The following STAU1 variants were observed in gnomAD, a reference collection of about 807,000 sequenced individuals.
STAU1 encodes the protein double-stranded RNA-binding protein Staufen homolog 1.
Under a neutral mutation model 62.9 loss-of-function variants are expected in STAU1, and 13 were observed. The observed-to-expected ratio is 0.21, with a 90% CI of 0.13 to 0.33. The LOEUF (loss-of-function observed/expected upper bound fraction) is 0.33, where lower values mean the gene tolerates loss of function less well. STAU1 is among the 10% of genes least tolerant of loss of function. The pLI is 1.00. For missense variants in STAU1, 571 were observed against 712.1 expected (o/e 0.80, Z 2.25); for synonymous variants, 269 against 265.1 (o/e 1.01, Z -0.14).
intron 6 of STAU1, among the ~76,000 whole-genome samples, chr20:49,129,630 CTTTTTTTTTTTT>C (rs558925613): frequency 1.0e-4 from 10 of 96,672 alleles, no homozygotes; most frequent in Admixed American, 3.6e-4. Context: ...AGTTTGGCAA[CTTTTTTTTTTTT>C]TTTTTTTTTT....
the STAU1 span, among the ~76,000 whole-genome samples, chr20:49,199,236 A>T: frequency 2.0e-5 from 3 of 151,048 alleles, no homozygotes; most frequent in East Asian, 4.0e-4. Context: ...CGCCTGGCTG[A>T]TTTTTTTTAT....
intron 3 of STAU1, among the ~76,000 whole-genome samples, chr20:49,160,678 T>C (rs990701025): frequency 1.2e-4 from 18 of 152,234 alleles, no homozygotes; most frequent in African/African-American, 4.1e-4. Flanking sequence ...CAGACTTTCA[T>C]TCTCTAAGAT....
chr20:49,115,890 T>A, intron 12 of STAU1, 23 bp from the exon 13 acceptor site: 1 of 1,609,368 alleles, frequency 6.2e-7, no homozygotes, highest in Admixed American at 1.7e-5. Context: ...GAAAGAAGGG[T>A]AAAGCCACAG....
At chr20:49,158,414 C>T in intron 3 of STAU1, 1 of 1,303,676 alleles carries the variant, frequency 7.7e-7, no homozygotes, top group Non-Finnish European at 1.0e-6. Context: ...AAATTTGGTG[C>T]CTTAAGGGGT....
chr20:49,203,783 T>G, the STAU1 span, among the ~76,000 whole-genome samples: 2 of 152,210 alleles, frequency 1.3e-5, no homozygotes, highest in Non-Finnish European at 2.9e-5. Context: ...ACCTCCCTGG[T>G]TCAAGCAAAT....
intron 3 of STAU1, among the ~76,000 whole-genome samples, chr20:49,157,999 C>T (rs1432331181): frequency 1.3e-5 from 2 of 151,676 alleles, no homozygotes; most frequent in African/African-American, 4.8e-5. Flanking sequence ...TCAATTGAAG[C>T]GGCCGGGTGT....
At chr20:49,146,653 G>A (rs1311597765) in intron 5 of STAU1, among the ~76,000 whole-genome samples, 1 of 151,270 alleles carries the variant, frequency 6.6e-6, no homozygotes, top group Non-Finnish European at 1.5e-5. Flanking sequence ...CAGTGAGCCT[G>A]CATGGAGGGC....
At chr20:49,157,541 A>G (rs2093380488) in intron 3 of STAU1, among the ~76,000 whole-genome samples, 1 of 151,030 alleles carries the variant, frequency 6.6e-6, no homozygotes, top group Non-Finnish European at 1.5e-5. Flanking sequence ...GTGTAGTGGC[A>G]TGATCTCAGC....
At chr20:49,125,201 A>AAAAAAAAAC in intron 6 of STAU1, among the ~76,000 whole-genome samples, 3 of 71,732 alleles carry the variant, frequency 4.2e-5, no homozygotes, top group African/African-American at 2.4e-4. Context: ...ATTTTTGCAA[A>AAAAAAAAAC]AAAAAAAAAA....
chr20:49,180,855 CAA>C (rs1847143424), intron 1 of STAU1, among the ~76,000 whole-genome samples: 1 of 152,152 alleles, frequency 6.6e-6, no homozygotes, highest in South Asian at 2.1e-4. Flanking sequence ...TTCTAATGAG[CAA>C]AATTCATCCT....
chr20:49,207,771 C>T, the STAU1 span, among the ~76,000 whole-genome samples: 3 of 152,078 alleles, frequency 2.0e-5, no homozygotes, highest in Admixed American at 6.6e-5. Flanking sequence ...CCACCCATCT[C>T]GGCCTCCCAA....
chr20:49,139,642 C>T (rs1193348743), intron 5 of STAU1, among the ~76,000 whole-genome samples: 1 of 151,804 alleles, frequency 6.6e-6, no homozygotes, highest in East Asian at 1.9e-4. Context: ...AGGAGAATCA[C>T]TTGAACCCAG....
chr20:49,185,860 T>C (rs1164092940), intron 1 of STAU1, among the ~76,000 whole-genome samples: 1 of 152,090 alleles, frequency 6.6e-6, no homozygotes, highest in Non-Finnish European at 1.5e-5. Context: ...TGTATAGTTG[T>C]TTGCTTATGT....
At chr20:49,201,100 A>G in the STAU1 span, among the ~76,000 whole-genome samples, 1 of 150,816 alleles carries the variant, frequency 6.6e-6, no homozygotes, top group African/African-American at 2.4e-5. Flanking sequence ...AGAAAAGAAA[A>G]GAAAACAGAT....
At chr20:49,132,322 T>C (rs1050376702) in intron 6 of STAU1, among the ~76,000 whole-genome samples, 1 of 152,192 alleles carries the variant, frequency 6.6e-6, no homozygotes, top group African/African-American at 2.4e-5. Flanking sequence ...ACGGCTTGCA[T>C]TGTCTGCCCA....
intron 6 of STAU1, among the ~76,000 whole-genome samples, chr20:49,133,397 G>A (rs902364388): frequency 3.3e-5 from 5 of 152,090 alleles, no homozygotes; most frequent in Non-Finnish European, 5.9e-5. Flanking sequence ...CACTCCCCAC[G>A]GTCTTGGTAC....
intron 1 of STAU1, chr20:49,179,079 TAAA>T (rs3091668): frequency 8.8e-5 from 10 of 114,152 alleles, no homozygotes; most frequent in South Asian, 2.8e-4. Context: ...AGACTCCATC[TAAA>T]AAAAAAAAAA....
chr20:49,182,487 G>A (rs2146595749), intron 1 of STAU1, among the ~76,000 whole-genome samples: 1 of 152,302 alleles, frequency 6.6e-6, no homozygotes. Context: ...GAGAACAATG[G>A]ATTTGGCCAA....
Position 49,119,986 on chromosome 20 carries a change from T to C in STAU1, c.1109A>G (p.Glu370Gly), listed in dbSNP as rs1255672926. 1.2e-6 allele frequency: 2 copies of C among 1,613,926 alleles called. No individual in the cohort carries two copies. The highest frequency in any genetic ancestry group is 1.7e-6 in the Non-Finnish European group (2 of 1,179,858). The change falls in exon 9 of 14, where the codon GAG (glutamate) becomes GGG (glycine). Residue 370 changes from glutamate to glycine, a missense_variant. Around this residue, in one of 3 missense-constraint regions of STAU1, gnomAD observed 414 missense variants for 499.6 expected, o/e 0.83. Transcript: ENST00000371856. ...QPTKPALKSE[E>G]KTPIKKPGDG... is the part of the protein sequence containing the mutation. ...CAGAGAGCCCACAGCACTCACCTTCTCCTCTGACTTGAGTGCGGGTTTGGT... is the reference window on the plus strand; with the variant it reads ...CAGAGAGCCCACAGCACTCACCTTCCCCTCTGACTTGAGTGCGGGTTTGGT...
Sources: allele counts gnomAD v4.1 joint callset (sites outside exome capture counted in the v4.1 genomes callset), GRCh38; gene constraint gnomAD v4.1.1; regional missense constraint gnomAD v4.1.1; transcripts MANE v1.5; gene names NCBI Gene and HGNC (gene_info 2026-07-23, HGNC 2026-07-21).